FAM13B: variants seen among roughly 807,000 people sequenced by gnomAD.
The protein encoded by FAM13B is protein FAM13B.
FAM13B carries 60 observed loss-of-function variants against 117.3 expected under a neutral mutation model. The ratio of observed to expected loss-of-function variants is 0.51; its 90% CI spans 0.42 to 0.63. The LOEUF (loss-of-function observed/expected upper bound fraction) is 0.63. Among genes scored for constraint, FAM13B ranks in the 30% least tolerant of loss-of-function variants. The probability of loss-of-function intolerance (pLI) is 0.00; values close to 1 mark genes in which losing one functional copy is unlikely to be tolerated. For synonymous variants in FAM13B, 332 were observed against 356.1 expected (o/e 0.93, Z 0.76); for missense variants, 972 against 1,091.9 (o/e 0.89, Z 1.55).
In FAM13B at chr5:138,024,595, A is replaced by G. The variant is rs141795931; in HGVS notation, c.-202-3398T>C. ...ATTACATTCTAAAAAAAAAAAAGAA[A>G]AAAAAGGAAAACAGCAGCAGGCACC... On this transcript the variant is annotated intron_variant, in intron 1 of 23. Coordinates refer to ENST00000689681, the MANE Select transcript of FAM13B (RefSeq NM_001385994.1). Among the ~76,000 whole-genome samples, 1,272 of 151,860 alleles carry G rather than the reference A, an allele frequency of 8.4e-3. 8 individuals carry two copies. The highest frequency in any genetic ancestry group is 0.024 in the Middle Eastern group (7 of 294).
upstream of FAM13B, among the ~76,000 whole-genome samples, chr5:138,035,185 A>C (rs1791033303): frequency 6.7e-6 from 1 of 150,258 alleles, no homozygotes; most frequent in East Asian, 2.0e-4. Context: ...GCTAATTTTA[A>C]AATTTTTTTA....
At position 138,007,118 on chromosome 5, in the gene FAM13B, T is replaced by G. The variant is rs1782745988; in HGVS notation, c.720A>C (p.Glu240Asp). 2 of 1,609,316 alleles carry G rather than the reference T, an allele frequency of 1.2e-6. No homozygotes were observed. The highest frequency in any genetic ancestry group is 1.1e-5 in the South Asian group (1 of 89,706). Residue 240 changes from glutamate to aspartate, a missense_variant, in exon 7 of 24, where the codon GAA becomes GAC. Transcript: ENST00000689681. ...CTTCAATATGTTCCAGCTTTTCATC[T>G]TCCTCTTCTTCCTCAGAAAGTTCAT... is the stretch of plus-strand genomic sequence containing the variant. ...QVNELSEEEE[E>D]DEKLEHIEEL...
At chr5:137,945,083 C>T (rs1258092980) in intron 20 of FAM13B, among the ~76,000 whole-genome samples, 7 of 151,916 alleles carry the variant, frequency 4.6e-5, no homozygotes, top group Non-Finnish European at 1.0e-4. Context: ...TGCACATATA[C>T]CCCTTGAATC....
intron 2 of FAM13B, 23 bp downstream of exon 2, chr5:138,021,008 T>C (rs1581271446): frequency 1.6e-6 from 2 of 1,228,674 alleles, no homozygotes; most frequent in Non-Finnish European, 1.0e-6. Flanking sequence ...GAGCACGAGA[T>C]AGTTACCATT....
At chr5:138,015,827 T>C (rs781714990) in intron 4 of FAM13B, among the ~76,000 whole-genome samples, 9 of 152,236 alleles carry the variant, frequency 5.9e-5, no homozygotes, top group Non-Finnish European at 1.3e-4. Flanking sequence ...ACAACATAAA[T>C]GCAAATATCA....
At position 137,949,297 on chromosome 5, in the gene FAM13B, G is replaced by A. The variant is rs1764280220; in HGVS notation, c.1931-113C>T. On this transcript the variant is annotated intron_variant, in intron 17 of 23. Transcript: ENST00000689681. ...TATACATTAACAGCACACAGACTTA[G>A]ATATTTCAAAGCCAAATAAAACATT... The A allele has an allele frequency of 1.4e-5, 11 of 780,366 alleles. No individual in the cohort carries two copies. The South Asian group carries it at 1.8e-4, about 13-fold the overall frequency. 48.3% of individuals were successfully genotyped at this position (780,366 alleles called of 1,614,324 possible). A position where few individuals can be genotyped will look rare whatever the true frequency, so the allele number is the denominator to read the frequency against.
intron 10 of FAM13B, among the ~76,000 whole-genome samples, chr5:137,974,572 C>A (rs1260371234): frequency 6.9e-6 from 1 of 144,294 alleles, no homozygotes; most frequent in South Asian, 2.2e-4. Context: ...AACTAACCTG[C>A]ACATTGTGCA....
At position 137,946,331 on chromosome 5, in the gene FAM13B, AT is replaced by A. The variant is rs1581049809; in HGVS notation, c.2161-21del. ...CATTTTCTGGAATTAAACAAAAAAA[AT>A]AACAAAATACAAAAAAAAAAAAACA... On this transcript the variant is annotated intron_variant, in intron 18 of 23. Coordinates refer to ENST00000689681, the MANE Select transcript of FAM13B (RefSeq NM_001385994.1). 2 of 1,502,654 alleles carry A rather than the reference AT, an allele frequency of 1.3e-6. No individual in the cohort carries two copies. The highest frequency in any genetic ancestry group is 1.3e-5 in the South Asian group (1 of 79,880). 93.1% of individuals were successfully genotyped at this position (1,502,654 alleles called of 1,614,324 possible). A position where few individuals can be genotyped will look rare whatever the true frequency, so the allele number is the denominator to read the frequency against.
intron 8 of FAM13B, among the ~76,000 whole-genome samples, chr5:137,987,924 A>G (rs1777631791): frequency 6.6e-6 from 1 of 152,218 alleles, no homozygotes; most frequent in Admixed American, 6.5e-5. Flanking sequence ...GGCTTTTCAA[A>G]GCTATACTTA....
chr5:138,033,376 C>T (rs1008305454), upstream of FAM13B, among the ~76,000 whole-genome samples: 1 of 152,222 alleles, frequency 6.6e-6, no homozygotes, highest in Non-Finnish European at 1.5e-5. Context: ...GAGATCGCTT[C>T]TGGTCTCTGC....
intron 1 of FAM13B, among the ~76,000 whole-genome samples, chr5:138,030,510 G>C (rs1789609136): frequency 6.6e-6 from 1 of 151,136 alleles, no homozygotes. Flanking sequence ...GCCTCCCAAA[G>C]TGCTGGGATT....
rs529474865 is a variant in FAM13B at position 137,939,952 on chromosome 5, G to A, written c.*273C>T. 3.6e-4 allele frequency: 518 copies of A among 1,420,960 alleles called. 8 individuals are homozygous for A. The South Asian group carries it at 8.3e-3, about 23-fold the overall frequency. The allele number at this position is 1,420,960 out of a possible 1,614,324, so 88.0% of individuals were successfully genotyped here. A position where few individuals can be genotyped will look rare whatever the true frequency, so the allele number is the denominator to read the frequency against. ...TAAAATTCCAGTCTTTTGCTAAAAG[G>A]ATGTATCTGTAGTACAAAACAATGA... On this transcript the variant is annotated 3_prime_UTR_variant, in exon 24 of 24. Transcript: ENST00000689681.
At chr5:138,030,158 G>A (rs1271952079) in intron 1 of FAM13B, among the ~76,000 whole-genome samples, 2 of 152,048 alleles carry the variant, frequency 1.3e-5, no homozygotes, top group African/African-American at 4.8e-5. Context: ...TCCTTGGAGA[G>A]GCTTTCTTCA....
At chr5:137,986,132 T>C (rs1045679755) in intron 9 of FAM13B, among the ~76,000 whole-genome samples, 13 of 152,156 alleles carry the variant, frequency 8.5e-5, no homozygotes, top group African/African-American at 3.1e-4. Flanking sequence ...CTTTTCCCAG[T>C]TGTATGCATT....
chr5:138,033,909 T>A (rs905062514), upstream of FAM13B: 6 of 152,224 alleles, frequency 3.9e-5, no homozygotes, highest in Non-Finnish European at 8.8e-5. Flanking sequence ...CAGTTGTCCC[T>A]TACCTACCTG....
At chr5:138,021,000 G>A in intron 2 of FAM13B, 31 bp downstream of exon 2, 3 of 1,224,430 alleles carry the variant, frequency 2.5e-6, no homozygotes, top group Non-Finnish European at 3.1e-6. Context: ...GATTTATAGA[G>A]CACGAGATAG....
chr5:138,016,093 C>A (rs1179215036), intron 4 of FAM13B, among the ~76,000 whole-genome samples: 1 of 152,146 alleles, frequency 6.6e-6, no homozygotes, highest in Non-Finnish European at 1.5e-5. Context: ...TAACAAGATG[C>A]GTATTGTAAT....
intron 7 of FAM13B, among the ~76,000 whole-genome samples, chr5:137,996,329 C>T (rs11242406): frequency 0.18 from 26,774 of 151,680 alleles, 2,466 homozygotes; most frequent in African/African-American, 0.2. Context: ...TTAGTAGAGA[C>T]GGGGTTTCAC....
intron 1 of FAM13B, among the ~76,000 whole-genome samples, chr5:138,022,112 CAAAAAAAAAAA>C (rs34110085): frequency 3.8e-4 from 52 of 135,574 alleles, no homozygotes; most frequent in African/African-American, 1.2e-3. Context: ...GATCCTGTCT[CAAAAAAAAAAA>C]AAAAAAAAAA....
Sources: gnomAD v4.1 joint callset for allele counts (sites outside exome capture counted in the v4.1 genomes callset) on GRCh38, gnomAD v4.1.1 for gene constraint, MANE v1.5 for transcripts, NCBI Gene and HGNC (gene_info 2026-07-23, HGNC 2026-07-21) for gene names.